Variants in LAMA2 observed in about 807,000 individuals in gnomAD.
LAMA2 encodes the protein laminin subunit alpha-2.
LAMA2 carries 269 observed loss-of-function variants against 364.8 expected under a neutral mutation model. The observed-to-expected ratio is 0.74, with a 90% CI of 0.67 to 0.82. LAMA2 has a LOEUF of 0.82. LAMA2 is among the 40% of genes least tolerant of loss of function. The pLI is 0.00. For synonymous variants in LAMA2, 1,379 were observed against 1,370.6 expected (o/e 1.01, Z -0.14); for missense variants, 3,807 against 3,873.2 (o/e 0.98, Z 0.45).
Position 128,992,071 on chromosome 6 carries a change from G to A in LAMA2, c.113-57847G>A, listed in dbSNP as rs1321549359. Among the ~76,000 whole-genome samples the A allele has an allele frequency of 3.9e-5, 6 of 152,174 alleles. No individual in the cohort carries two copies. In the East Asian group the frequency reaches 9.6e-4, roughly 24 times the overall value. On this transcript the variant is annotated intron_variant, in intron 1 of 64. Coordinates refer to ENST00000421865, the MANE Select transcript of LAMA2 (RefSeq NM_000426.4). Reference sequence around the variant, plus strand: ...CGTCAGATGCAATGATAGAGCCTTAGCATTTATAGATGTAGCATTCACAGT... The same window carrying A: ...CGTCAGATGCAATGATAGAGCCTTAACATTTATAGATGTAGCATTCACAGT...
chr6:129,393,234 G>GA lies in LAMA2; in HGVS notation c.5429dup (p.Asn1810LysfsTer13), dbSNP rs1211886873. On this transcript the variant is annotated frameshift_variant, in exon 37 of 65. Coordinates refer to ENST00000421865, the MANE Select transcript of LAMA2 (RefSeq NM_000426.4). LOFTEE classifies it high-confidence loss of function. Reference sequence around the variant, plus strand: ...CTAATCGCCTATTTGCAGTAAATCAGAAAAACATGACTGCATTGGAGGTGA... The same window carrying GA: ...CTAATCGCCTATTTGCAGTAAATCAGAAAAAACATGACTGCATTGGAGGTGA... 5.0e-6 allele frequency: 8 copies of GA among 1,613,626 alleles called. No homozygotes were observed. Among genetic ancestry groups the GA allele is most frequent in the Non-Finnish European group, 6.8e-6 (8 of 1,179,702 alleles).
chr6:128,883,484 G>C (rs1775939251), intron 1 of LAMA2, 127 bp downstream of exon 1: 2 of 1,465,126 alleles, frequency 1.4e-6, no homozygotes, highest in African/African-American at 2.8e-5. Context: ...GTGCGCTCTG[G>C]GGCAAGAGGA....
chr6:129,260,692 CT>C lies in LAMA2; in HGVS notation c.2097-13del, dbSNP rs746094316. The C allele has an allele frequency of 6.8e-7, 1 of 1,475,684 alleles. No individual in the cohort carries two copies. The highest frequency in any genetic ancestry group is 9.5e-7 in the Non-Finnish European group (1 of 1,054,072). 91.4% of individuals were successfully genotyped at this position (1,475,684 alleles called of 1,614,324 possible). Reference sequence around the variant, plus strand: ...TAAGAACTTTACTTATTCACCATCTCTTTTTTCCTCTGCCATAGGTTGAGCT... The same window carrying C: ...TAAGAACTTTACTTATTCACCATCTCTTTTTCCTCTGCCATAGGTTGAGCT... On this transcript the variant is annotated intron_variant, in intron 14 of 64. Coordinates refer to ENST00000421865, the MANE Select transcript of LAMA2 (RefSeq NM_000426.4).
intron 14 of LAMA2, among the ~76,000 whole-genome samples, chr6:129,258,872 T>G: frequency 6.6e-6 from 1 of 152,082 alleles, no homozygotes; most frequent in East Asian, 1.9e-4. Context: ...CTAAACACTA[T>G]AGGACAGTGA....
chr6:128,962,177 T>C lies in LAMA2; in HGVS notation c.112+78820T>C, dbSNP rs867930179. On this transcript the variant is annotated intron_variant, in intron 1 of 64. Transcript: ENST00000421865. ...ATATATATATATATATATATATATA[T>C]ATATATATACACACATACACACACA... Among the ~76,000 whole-genome samples the C allele has an allele frequency of 6.0e-3, 734 of 122,274 alleles. 39 individuals are homozygous for C. The highest frequency in any genetic ancestry group is 0.025 in the African/African-American group (672 of 27,096). 80.2% of individuals were successfully genotyped at this position (122,274 alleles called of 152,430 possible).
At chr6:129,436,633 C>A (rs982533938) in intron 41 of LAMA2, among the ~76,000 whole-genome samples, 1 of 152,014 alleles carries the variant, frequency 6.6e-6, no homozygotes, top group Non-Finnish European at 1.5e-5. Flanking sequence ...TTCTAATAAA[C>A]TTATTAACTT....
intron 17 of LAMA2, among the ~76,000 whole-genome samples, chr6:129,276,521 A>T (rs1408616349): frequency 6.6e-6 from 1 of 152,134 alleles, no homozygotes; most frequent in African/African-American, 2.4e-5. Context: ...GGAGCATTTA[A>T]CGTTAGAACT....
At chr6:129,438,829 T>C (rs1781962485) in intron 42 of LAMA2, 67 bp downstream of exon 42, 5 of 836,502 alleles carry the variant, frequency 6.0e-6, no homozygotes, top group Non-Finnish European at 1.1e-5. Flanking sequence ...TGTTAACTTT[T>C]ACCATTTTTT....
chr6:129,193,149 G>A (rs1486243152), intron 12 of LAMA2, among the ~76,000 whole-genome samples: 2 of 152,188 alleles, frequency 1.3e-5, no homozygotes, highest in Non-Finnish European at 2.9e-5. Flanking sequence ...ATAGGTATTG[G>A]AAGAAACTGT....
At chr6:129,294,055 G>A (rs563175971) in intron 20 of LAMA2, among the ~76,000 whole-genome samples, 62 of 152,306 alleles carry the variant, frequency 4.1e-4, no homozygotes, top group South Asian at 2.1e-3. Flanking sequence ...AAAGGCCAAC[G>A]AAGCATGAAG....
intron 3 of LAMA2, among the ~76,000 whole-genome samples, chr6:129,083,960 C>A (rs536672750): frequency 5.6e-4 from 86 of 152,264 alleles, no homozygotes; most frequent in African/African-American, 2.0e-3. Flanking sequence ...AGAGCCAGTG[C>A]AAACTGCACC....
chr6:129,287,991 A>T lies in LAMA2; in HGVS notation c.2682A>T (p.Thr894=). ...GTCTGATATGTAAACCAGGTACAAC[A>T]GGCCGGTACTGTGAGCTCTGTGCTG... ...GSCLICKPGT[T]GRYCELCADG... is the part of the protein sequence containing the mutation. Residue 894 remains threonine (T), a synonymous_variant, in exon 19 of 65, where the codon ACA becomes ACT. Coordinates refer to ENST00000421865, the MANE Select transcript of LAMA2 (RefSeq NM_000426.4). 1 of 1,614,120 alleles carries T rather than the reference A, an allele frequency of 6.2e-7. No individual in the cohort carries two copies. Among genetic ancestry groups the T allele is most frequent in the Non-Finnish European group, 8.5e-7 (1 of 1,179,962 alleles).
chr6:129,425,173 T>C (rs547036675), intron 40 of LAMA2, among the ~76,000 whole-genome samples: 1 of 152,182 alleles, frequency 6.6e-6, no homozygotes, highest in East Asian at 1.9e-4. Flanking sequence ...ATATATTCTC[T>C]ACCATGGTTG....
At chr6:129,097,884 A>G (rs752695639) in intron 3 of LAMA2, among the ~76,000 whole-genome samples, 8 of 152,214 alleles carry the variant, frequency 5.3e-5, no homozygotes, top group African/African-American at 9.6e-5. Flanking sequence ...AGGTGGTAAT[A>G]ATTATAATGG....
At chr6:129,245,797 AAAT>A (rs1423293799) in intron 12 of LAMA2, among the ~76,000 whole-genome samples, 1 of 152,168 alleles carries the variant, frequency 6.6e-6, no homozygotes, top group Non-Finnish European at 1.5e-5. Context: ...CAAACAAAGA[AAAT>A]AAGTGTTTGA....
At chr6:129,505,136 C>A in intron 60 of LAMA2, 64 bp from the exon 61 acceptor site, 2 of 1,417,186 alleles carry the variant, frequency 1.4e-6, no homozygotes, top group African/African-American at 1.4e-5. Context: ...GTCCTTATGT[C>A]TTATACTCTG....
intron 40 of LAMA2, among the ~76,000 whole-genome samples, 153 bp downstream of exon 40, chr6:129,404,112 G>A (rs182082021): frequency 6.8e-4 from 104 of 151,966 alleles, no homozygotes; most frequent in Non-Finnish European, 1.0e-3. Context: ...ATAAATTCTC[G>A]GTATGCTATA....
chr6:129,053,120 C>G (rs527573890), intron 2 of LAMA2, among the ~76,000 whole-genome samples: 21 of 152,154 alleles, frequency 1.4e-4, no homozygotes, highest in Admixed American at 1.3e-3. Flanking sequence ...CTCTTGTTGC[C>G]CAGGCTGGAG....
chr6:129,269,499 T>A (rs111585370), intron 16 of LAMA2, among the ~76,000 whole-genome samples: 2 of 152,208 alleles, frequency 1.3e-5, no homozygotes, highest in African/African-American at 4.8e-5. Context: ...CTACATGTTA[T>A]TTGTCTTTTA....
Sources: allele counts gnomAD v4.1 joint callset (sites outside exome capture counted in the v4.1 genomes callset), GRCh38; gene constraint gnomAD v4.1.1; transcripts MANE v1.5; gene names NCBI Gene and HGNC (gene_info 2026-07-23, HGNC 2026-07-21).